The following SIM1 variants were observed in gnomAD, a reference collection of about 807,000 sequenced individuals.
The protein encoded by SIM1 is SIM bHLH transcription factor 1, also known as single-minded homolog 1.
SIM1 carries 18 observed loss-of-function variants against 78.2 expected under a neutral mutation model. The ratio of observed to expected loss-of-function variants is 0.23; its 90% confidence interval spans 0.16 to 0.34. SIM1 has a LOEUF of 0.34. SIM1 is among the 10% of genes least tolerant of loss of function. SIM1 has a pLI of 1.00. For missense variants in SIM1, 939 were observed against 975.1 expected (o/e 0.96, Z 0.49); for synonymous variants, 417 against 385.2 (o/e 1.08, Z -0.97).
chr6:100,448,017 ACAC>A, intron 8 of SIM1, 126 bp downstream of exon 8: 14 of 688,868 alleles, frequency 2.0e-5, no homozygotes, highest in Non-Finnish European at 2.9e-5. Context: ...GAGGCCTCAC[ACAC>A]CACCACCACC....
intron 9 of SIM1, among the ~76,000 whole-genome samples, chr6:100,444,290 C>T (rs934042818): frequency 6.6e-6 from 1 of 152,130 alleles, no homozygotes; most frequent in East Asian, 1.9e-4. Flanking sequence ...GTTCCATTCA[C>T]CTACCCTCTT....
intron 10 of SIM1, chr6:100,396,013 G>T (rs76904060): frequency 3.8e-6 from 3 of 799,462 alleles, no homozygotes; most frequent in Non-Finnish European, 4.5e-6. Flanking sequence ...TCCCTGCAGG[G>T]TTGTAGAATA....
intron 10 of SIM1, among the ~76,000 whole-genome samples, chr6:100,396,643 G>C (rs1209183981): frequency 1.3e-5 from 2 of 152,140 alleles, no homozygotes; most frequent in Admixed American, 6.6e-5. Context: ...CAGAGGAAAA[G>C]CCTCACAGTA....
At chr6:100,396,094 A>G in intron 10 of SIM1, 1 of 984,678 alleles carries the variant, frequency 1.0e-6, no homozygotes, top group Non-Finnish European at 1.2e-6. Flanking sequence ...CTCTTCTTCC[A>G]GTGAACCCAG....
intron 9 of SIM1, among the ~76,000 whole-genome samples, chr6:100,440,409 A>G (rs1911007): frequency 6.6e-6 from 1 of 152,182 alleles, no homozygotes; most frequent in Non-Finnish European, 1.5e-5. Context: ...CAAAATCACA[A>G]TCCTACTGCA....
At chr6:100,428,487 A>G (rs1356472188) in intron 9 of SIM1, among the ~76,000 whole-genome samples, 1 of 152,226 alleles carries the variant, frequency 6.6e-6, no homozygotes, top group Admixed American at 6.5e-5. Context: ...GAATTAAAGC[A>G]GCTAACGGGT....
chr6:100,430,047 G>A (rs1323637172), intron 9 of SIM1, among the ~76,000 whole-genome samples: 2 of 151,982 alleles, frequency 1.3e-5, no homozygotes, highest in Non-Finnish European at 2.9e-5. Context: ...CTTCTTAGGA[G>A]AATATAATTT....
chr6:100,440,293 A>G (rs1026396963), intron 9 of SIM1, among the ~76,000 whole-genome samples: 1 of 152,198 alleles, frequency 6.6e-6, no homozygotes, highest in African/African-American at 2.4e-5. Flanking sequence ...CCTCACAGCT[A>G]TTATGTAGCA....
At chr6:100,463,179 G>T in intron 2 of SIM1, 115 bp downstream of exon 2, 2 of 958,430 alleles carry the variant, frequency 2.1e-6, no homozygotes, top group Non-Finnish European at 3.0e-6. Flanking sequence ...ACTTCCCTTT[G>T]CAAAATATAT....
chr6:100,398,596 C>T (rs1770826776), intron 10 of SIM1, among the ~76,000 whole-genome samples: 1 of 152,048 alleles, frequency 6.6e-6, no homozygotes, highest in Non-Finnish European at 1.5e-5. Context: ...CATGTTTAAA[C>T]AGATGTCAAA....
chr6:100,411,106 A>G (rs780778587), intron 10 of SIM1, among the ~76,000 whole-genome samples: 1 of 152,252 alleles, frequency 6.6e-6, no homozygotes, highest in Non-Finnish European at 1.5e-5. Context: ...ATCTAGAAAG[A>G]GACTAGTTAT....
At chr6:100,395,961 G>A in intron 10 of SIM1, 1 of 249,380 alleles carries the variant, frequency 4.0e-6, no homozygotes, top group Non-Finnish European at 6.4e-6. Flanking sequence ...TGGACTATCA[G>A]CATATTCCAT....
chr6:100,405,035 G>A (rs1386731556), intron 10 of SIM1, among the ~76,000 whole-genome samples: 1 of 151,818 alleles, frequency 6.6e-6, no homozygotes, highest in African/African-American at 2.4e-5. Flanking sequence ...AGAAATTTTT[G>A]CTGCCATTTC....
At chr6:100,402,579 T>C (rs1405636723) in intron 10 of SIM1, among the ~76,000 whole-genome samples, 7 of 114,856 alleles carry the variant, frequency 6.1e-5, no homozygotes, top group Admixed American at 2.7e-4. Flanking sequence ...TTTTTTTTTT[T>C]TTTTTTTTTT....
chr6:100,397,090 T>G (rs919153073), intron 10 of SIM1, among the ~76,000 whole-genome samples: 1 of 152,240 alleles, frequency 6.6e-6, no homozygotes, highest in African/African-American at 2.4e-5. Context: ...ATTTTTATTG[T>G]CATAACTATA....
intron 10 of SIM1, among the ~76,000 whole-genome samples, chr6:100,420,333 T>C (rs914405982): frequency 6.6e-6 from 1 of 152,168 alleles, no homozygotes; most frequent in Non-Finnish European, 1.5e-5. Flanking sequence ...TTCTAGTAAA[T>C]AGCCAGTCTG....
In SIM1 at chr6:100,448,969, A is replaced by G. The variant is rs553114808; in HGVS notation, c.544-291T>C. 1.6e-3 allele frequency among the ~76,000 whole-genome samples: 240 copies of G among 152,334 alleles called. No homozygotes were observed. In the Middle Eastern group the frequency reaches 0.017, roughly 11 times the overall value. On this transcript the variant is annotated intron_variant, in intron 6 of 11. Coordinates refer to ENST00000369208, the MANE Select transcript of SIM1 (RefSeq NM_005068.3). ...CCCTGAAACCTGCTAATGACGTTCA[A>G]GGACATTCAACGTGAGACCCATAGC...
At chr6:100,462,470 C>A (rs1772880125) in intron 2 of SIM1, 1 of 152,208 alleles carries the variant, frequency 6.6e-6, no homozygotes, top group South Asian at 2.1e-4. Context: ...GCTGCTCTGT[C>A]CTCACACAGT....
At position 100,431,353 on chromosome 6, in the gene SIM1, A is replaced by C. The variant is rs528525767; in HGVS notation, c.999-10395T>G. On this transcript the variant is annotated intron_variant, in intron 9 of 11. Coordinates refer to ENST00000369208, the MANE Select transcript of SIM1 (RefSeq NM_005068.3). ...ATAGACATGTTCTTTAATTGGATTC[A>C]TTTATTTCTAATCTCCTTAAAGCCC... Among the ~76,000 whole-genome samples the C allele has an allele frequency of 4.6e-5, 7 of 152,268 alleles. No individual in the cohort carries two copies. The East Asian group carries it at 1.3e-3, about 29-fold the overall frequency.
Sources: allele counts gnomAD v4.1 joint callset (sites outside exome capture counted in the v4.1 genomes callset), GRCh38; gene constraint gnomAD v4.1.1; transcripts MANE v1.5; gene names NCBI Gene and HGNC (gene_info 2026-07-23, HGNC 2026-07-21).